The following SLC26A3 variants were observed in gnomAD, a reference collection of about 807,000 sequenced individuals.
The protein encoded by SLC26A3 is chloride anion exchanger.
Under a neutral mutation model 85.6 loss-of-function variants are expected in SLC26A3, and 64 were observed. That is an observed-to-expected ratio of 0.75 (90% confidence interval 0.61 to 0.92). The LOEUF (loss-of-function observed/expected upper bound fraction) is 0.92. SLC26A3 is among the 40% of genes least tolerant of loss of function. The pLI, the probability that SLC26A3 is intolerant of heterozygous loss-of-function variation, is 0.00. For synonymous variants in SLC26A3, 349 were observed against 336.0 expected (o/e 1.04, Z -0.42); for missense variants, 922 against 927.3 (o/e 0.99, Z 0.07).
intron 17 of SLC26A3, 39 bp downstream of exon 17, chr7:107,773,881 T>G (rs762745411): frequency 6.6e-7 from 1 of 1,514,504 alleles, no homozygotes; most frequent in Non-Finnish European, 9.2e-7. Context: ...TAACCTTTAG[T>G]CATTGATTGG....
chr7:107,778,795 G>A (rs943637149), intron 12 of SLC26A3, among the ~76,000 whole-genome samples: 4 of 152,034 alleles, frequency 2.6e-5, no homozygotes, highest in African/African-American at 9.7e-5. Flanking sequence ...TTCAAGACTA[G>A]CCTGGGCAAC....
rs1794153344 is a variant in SLC26A3, at chr7:107,778,249, A to C, written c.1440T>G (p.Ile480Met). The C allele has an allele frequency of 1.9e-6, 3 of 1,613,732 alleles. No individual in the cohort carries two copies. Among genetic ancestry groups the C allele is most frequent in the Non-Finnish European group, 2.5e-6 (3 of 1,179,800 alleles). Residue 480 changes from isoleucine (I) to methionine (M), a missense_variant, in exon 13 of 21, where the codon ATT becomes ATG. Coordinates refer to ENST00000340010, the MANE Select transcript of SLC26A3 (RefSeq NM_000111.3). ...CCAGGCCTAACCCGAGTCCCAGGAC[A>C]ATGGTGAAGATGAAGGTCATGATCC... ...LIWIMTFIFT[I>M]VLGLGLGLAA...
At chr7:107,775,533 T>G (rs1486456243) in intron 15 of SLC26A3, among the ~76,000 whole-genome samples, 1 of 152,038 alleles carries the variant, frequency 6.6e-6, no homozygotes, top group Non-Finnish European at 1.5e-5. Flanking sequence ...AAGGCCAGCC[T>G]GGGCAACAAA....
At chr7:107,776,031 T>C (rs1794109573) in intron 15 of SLC26A3, 1 of 265,508 alleles carries the variant, frequency 3.8e-6, no homozygotes, top group Non-Finnish European at 7.3e-6. Context: ...TCAGTATGTA[T>C]TGTTATTCAG....
At chr7:107,768,656 A>T (rs41665) in intron 18 of SLC26A3, among the ~76,000 whole-genome samples, 113,482 of 152,168 alleles carry the variant, frequency 0.75, 42,707 homozygotes, top group East Asian at 0.99. Flanking sequence ...AGTTTTAAAA[A>T]AATTCCCAGC....
chr7:107,793,829 A>T lies in SLC26A3; in HGVS notation c.184T>A (p.Ser62Thr). The stretch of plus-strand genomic sequence containing the variant: ...TTAAGCCGGTATGCTGGCAACCAAG[A>T]TGCTATGGGGAACAAAGAGAGGACA... ...RIVLSLFPIA[S>T]WLPAYRLKEW... The change falls in exon 3 of 21, where the codon TCT becomes ACT. Residue 62 changes from serine (S) to threonine (T), a missense_variant. Transcript: ENST00000340010. 1 of 1,614,130 alleles carries T rather than the reference A, an allele frequency of 6.2e-7. No homozygotes were observed. Among genetic ancestry groups the T allele is most frequent in the Non-Finnish European group, 8.5e-7 (1 of 1,179,988 alleles).
rs991463571 is a variant in SLC26A3 at position 107,774,986 on chromosome 7, A to G, written c.1678-114T>C. On this transcript the variant is annotated intron_variant, in intron 15 of 20. Transcript: ENST00000340010. Reference sequence around the variant, plus strand: ...AGGGATTGGGACAGATAATAAAAATATTTGTGACAAAATTTAAAAGTGGTT... The same window carrying G: ...AGGGATTGGGACAGATAATAAAAATGTTTGTGACAAAATTTAAAAGTGGTT... 30 of 846,834 alleles carry G rather than the reference A, an allele frequency of 3.5e-5. No individual in the cohort carries two copies. In the Middle Eastern group the frequency reaches 6.5e-4, roughly 18 times the overall value. The allele number at this position is 846,834 out of a possible 1,614,324, so 52.5% of individuals were successfully genotyped here.
intron 3 of SLC26A3, among the ~76,000 whole-genome samples, chr7:107,792,635 C>T (rs1794422809): frequency 6.6e-6 from 1 of 152,170 alleles, no homozygotes; most frequent in African/African-American, 2.4e-5. Context: ...TGCCACTCAC[C>T]TCCTGCTGTG....
chr7:107,789,516 ATACT>A lies in SLC26A3; in HGVS notation c.735+4_735+7del, dbSNP rs768656789. The A allele has an allele frequency of 4.3e-6, 7 of 1,613,260 alleles. No homozygotes were observed. The highest frequency in any genetic ancestry group is 5.1e-6 in the Non-Finnish European group (6 of 1,179,328). ...TTTCAGTATTTTTTAGGTGAAAGAA[ATACT>A]TACTTTGAAAATTGAAACTGGATCA... On this transcript the variant is annotated splice_donor_5th_base_variant and intron_variant, in intron 6 of 20. Transcript: ENST00000340010.
chr7:107,791,529 T>C (rs1294385466), intron 4 of SLC26A3, among the ~76,000 whole-genome samples: 1 of 152,068 alleles, frequency 6.6e-6, no homozygotes, highest in Non-Finnish European at 1.5e-5. Flanking sequence ...GGAGAATCGC[T>C]TGAACCTGGG....
At chr7:107,777,569 G>A (rs563853640) in intron 13 of SLC26A3, among the ~76,000 whole-genome samples, 4 of 152,166 alleles carry the variant, frequency 2.6e-5, no homozygotes, top group East Asian at 3.9e-4. Context: ...CGGCCTGGGC[G>A]ACAAGAGCGA....
intron 17 of SLC26A3, 57 bp downstream of exon 17, chr7:107,773,863 T>C: frequency 1.4e-6 from 2 of 1,430,546 alleles, no homozygotes; most frequent in Non-Finnish European, 2.0e-6. Flanking sequence ...CAAATACAAT[T>C]TTTTTTTTAA....
At chr7:107,787,930 C>T (rs75310559) in intron 6 of SLC26A3, among the ~76,000 whole-genome samples, 2,025 of 152,290 alleles carry the variant, frequency 0.013, 58 homozygotes, top group African/African-American at 0.047. Flanking sequence ...TGCTCAATTC[C>T]TGGCCCTCTT....
chr7:107,796,519 G>A (rs1794503457), intron 1 of SLC26A3, among the ~76,000 whole-genome samples: 1 of 151,982 alleles, frequency 6.6e-6, no homozygotes, highest in African/African-American at 2.4e-5. Flanking sequence ...CACACTTCAG[G>A]GGTCAAATCC....
intron 18 of SLC26A3, among the ~76,000 whole-genome samples, chr7:107,770,138 C>T (rs1209960126): frequency 2.2e-4 from 15 of 67,036 alleles, no homozygotes; most frequent in Middle Eastern, 8.8e-3. Context: ...CTTTCTTTCT[C>T]TCTTTCTTTT....
At position 107,793,800 on chromosome 7, in the gene SLC26A3, T is replaced by C; in HGVS notation, c.213A>G (p.Glu71=). The C allele has an allele frequency of 6.2e-7, 1 of 1,614,168 alleles. No individual in the cohort carries two copies. Among genetic ancestry groups the C allele is most frequent in the Non-Finnish European group, 8.5e-7 (1 of 1,180,010 alleles). The change falls in exon 3 of 21, where the codon GAA becomes GAG. Residue 71 remains glutamate (E), a synonymous_variant. Transcript: ENST00000340010. ...CAGAAACAATATCACTGAGCAACCA[T>C]TCTTTAAGCCGGTATGCTGGCAACC... ...ASWLPAYRLK[E]WLLSDIVSGI...
At position 107,774,802 on chromosome 7, in the gene SLC26A3, T is replaced by C. The variant is rs1191816634; in HGVS notation, c.1748A>G (p.Lys583Arg). ...KALRKIRKLQKQGLLQVTPKG... is the reference protein window; with the variant it reads ...KALRKIRKLQRQGLLQVTPKG... ...TGGTGTCACTTGTAGCAAGCCTTGCTTCTGCAGTTTTCGGATTTTCCTCAA... is the reference window on the plus strand; with the variant it reads ...TGGTGTCACTTGTAGCAAGCCTTGCCTCTGCAGTTTTCGGATTTTCCTCAA... Residue 583 changes from lysine (K) to arginine (R), a missense_variant, in exon 16 of 21, where the codon AAG (lysine) becomes AGG (arginine). Coordinates refer to ENST00000340010, the MANE Select transcript of SLC26A3 (RefSeq NM_000111.3). 6.2e-7 allele frequency: 1 copy of C among 1,614,130 alleles called. No homozygotes were observed. Among genetic ancestry groups the C allele is most frequent in the South Asian group, 1.1e-5 (1 of 91,086 alleles).
At chr7:107,795,500 C>G (rs1476673) in intron 1 of SLC26A3, among the ~76,000 whole-genome samples, 69,030 of 151,922 alleles carry the variant, frequency 0.45, 16,481 homozygotes, top group African/African-American at 0.59. Flanking sequence ...AGGCAGTTAC[C>G]CTTATTATTT....
At chr7:107,770,623 A>C (rs1794013297) in intron 18 of SLC26A3, among the ~76,000 whole-genome samples, 1 of 152,022 alleles carries the variant, frequency 6.6e-6, no homozygotes, top group Non-Finnish European at 1.5e-5. Flanking sequence ...TTGTTTGTTT[A>C]TTATGTGGCT....
Sources: allele counts gnomAD v4.1 joint callset (sites outside exome capture counted in the v4.1 genomes callset), GRCh38; gene constraint gnomAD v4.1.1; transcripts MANE v1.5; gene names NCBI Gene and HGNC (gene_info 2026-07-23, HGNC 2026-07-21).